Variants in NKAIN3 observed in about 807,000 individuals in gnomAD.
NKAIN3 encodes sodium/potassium-transporting ATPase subunit beta-1-interacting protein 3.
A neutral mutation model predicts 30.2 loss-of-function variants in NKAIN3; 25 were observed. The observed-to-expected ratio is 0.83, with a 90% CI of 0.60 to 1.16. The LOEUF is 1.16. NKAIN3 is among the 50% of genes most tolerant of loss of function. NKAIN3 has a pLI of 0.00. For synonymous variants in NKAIN3, 91 were observed against 89.6 expected, an observed-to-expected ratio of 1.02 and a Z score of -0.09; for missense variants, 225 against 254.1, an observed-to-expected ratio of 0.89 and a Z score of 0.78.
rs142048165 is a variant in NKAIN3 at position 62,666,439 on chromosome 8, C to T, written c.273+76645C>T. Among the ~76,000 whole-genome samples, 575 of 152,076 alleles carry T rather than the reference C, an allele frequency of 3.8e-3. 2 individuals are homozygous for T. Among genetic ancestry groups the T allele is most frequent in the African/African-American group, 0.013 (552 of 41,492 alleles). On this transcript the variant is annotated intron_variant, in intron 3 of 6. Coordinates refer to ENST00000623646, the MANE Select transcript of NKAIN3 (RefSeq NM_001304533.3). ...TTTATGTTAAGACAATCAAAGTCTACGTAACCAAAAAAAGTATGAAAAAGC... is the reference window on the plus strand; with the variant it reads ...TTTATGTTAAGACAATCAAAGTCTATGTAACCAAAAAAAGTATGAAAAAGC...
At chr8:62,674,619 T>A (rs117267274) in intron 3 of NKAIN3, among the ~76,000 whole-genome samples, 9 of 152,350 alleles carry the variant, frequency 5.9e-5, no homozygotes, top group Non-Finnish European at 1.2e-4. Context: ...TAAAAGTTTC[T>A]GGTGCCTGGC....
rs144431628 is a variant in NKAIN3 at position 62,568,018 on chromosome 8, A to G, written c.55-11521A>G. Reference sequence around the variant, plus strand: ...GCTTTTGATAAATTGAAGGTTGACTAAGATAGCACAGCTAATAAGTTTCTG... The same window carrying G: ...GCTTTTGATAAATTGAAGGTTGACTGAGATAGCACAGCTAATAAGTTTCTG... On this transcript the variant is annotated intron_variant, in intron 1 of 6. Coordinates refer to ENST00000623646, the MANE Select transcript of NKAIN3 (RefSeq NM_001304533.3). 7.9e-5 allele frequency among the ~76,000 whole-genome samples: 12 copies of G among 152,316 alleles called. No homozygotes were observed. The East Asian group carries it at 2.3e-3, about 29-fold the overall frequency.
intron 4 of NKAIN3, among the ~76,000 whole-genome samples, chr8:62,875,780 G>T (rs1355033384): frequency 6.6e-6 from 1 of 152,162 alleles, no homozygotes; most frequent in Admixed American, 6.5e-5. Flanking sequence ...GCCATATGTA[G>T]AAAACTGAAT....
intron 1 of NKAIN3, among the ~76,000 whole-genome samples, chr8:62,258,238 C>G (rs1364904058): frequency 6.6e-6 from 1 of 152,174 alleles, no homozygotes; most frequent in Non-Finnish European, 1.5e-5. Context: ...TGCATGGTTT[C>G]TTTGCAGAAG....
rs185348365 is a variant in NKAIN3, at chr8:62,429,727, T to G, written c.55-149812T>G. ...CACCGTGGAGCTGGAAGCATTAATG[T>G]TTCACATCAGCACAGTTACTACATC... On this transcript the variant is annotated intron_variant, in intron 1 of 6. Transcript: ENST00000623646. Among the ~76,000 whole-genome samples, 240 of 152,050 alleles carry G rather than the reference T, an allele frequency of 1.6e-3. 1 individual carries two copies. Among genetic ancestry groups the G allele is most frequent in the African/African-American group, 5.5e-3 (229 of 41,540 alleles).
intron 1 of NKAIN3, among the ~76,000 whole-genome samples, chr8:62,382,077 A>G (rs1267688679): frequency 6.6e-6 from 1 of 152,136 alleles, no homozygotes; most frequent in Non-Finnish European, 1.5e-5. Flanking sequence ...CACCATGCAC[A>G]GTTGAAAATC....
intron 3 of NKAIN3, among the ~76,000 whole-genome samples, chr8:62,728,344 T>C (rs547902332): frequency 1.3e-5 from 2 of 152,228 alleles, no homozygotes; most frequent in Admixed American, 1.3e-4. Flanking sequence ...AAAGAATGAA[T>C]TGAAAATCCG....
chr8:62,394,806 A>T (rs1478543404), intron 1 of NKAIN3, among the ~76,000 whole-genome samples: 1 of 122,686 alleles, frequency 8.2e-6, no homozygotes, highest in African/African-American at 3.2e-5. Flanking sequence ...AGAGACTCTC[A>T]TCACTTCTCA....
intron 1 of NKAIN3, among the ~76,000 whole-genome samples, chr8:62,567,252 G>A (rs1366900687): frequency 2.0e-5 from 3 of 152,040 alleles, no homozygotes; most frequent in African/African-American, 7.2e-5. Flanking sequence ...GTTTTCTGGG[G>A]TTGGAAGAAG....
rs551091120 is a variant in NKAIN3, at chr8:62,620,408, AATATGCC to A, written c.273+30640_273+30646del. ...CAAATTCCCTCAGCTTAACAGATCC[AATATGCC>A]ATATGCCATATGCCATATGCCATAT... On this transcript the variant is annotated intron_variant, in intron 3 of 6. Transcript: ENST00000623646. Among the ~76,000 whole-genome samples the A allele has an allele frequency of 4.1e-4, 62 of 152,234 alleles. No homozygotes were observed. The South Asian group carries it at 0.012, about 29-fold the overall frequency.
chr8:62,887,233 GT>G (rs1169819700), intron 4 of NKAIN3, among the ~76,000 whole-genome samples: 4 of 151,334 alleles, frequency 2.6e-5, no homozygotes, highest in African/African-American at 9.7e-5. Context: ...AAAGTGTTGT[GT>G]TTTTTTTCTG....
intron 1 of NKAIN3, among the ~76,000 whole-genome samples, chr8:62,432,465 A>G (rs910329255): frequency 6.6e-6 from 1 of 152,142 alleles, no homozygotes; most frequent in African/African-American, 2.4e-5. Context: ...TGTGACTCAG[A>G]AAACCCTCTG....
chr8:62,290,063 G>A (rs1196160342), intron 1 of NKAIN3, among the ~76,000 whole-genome samples: 1 of 152,108 alleles, frequency 6.6e-6, no homozygotes, highest in African/African-American at 2.4e-5. Flanking sequence ...TGGTGTATAG[G>A]AATGCTTGTG....
intron 1 of NKAIN3, among the ~76,000 whole-genome samples, chr8:62,249,874 C>T (rs4738946): frequency 0.013 from 1,968 of 152,218 alleles, 72 homozygotes; most frequent in East Asian, 0.12. Flanking sequence ...GAAAAAAGGC[C>T]CTTTCAGAGC....
intron 1 of NKAIN3, among the ~76,000 whole-genome samples, chr8:62,521,251 C>T (rs1808147335): frequency 6.6e-6 from 1 of 152,112 alleles, no homozygotes; most frequent in Admixed American, 6.6e-5. Flanking sequence ...TAGGAAAACC[C>T]ATGGGTAGAA....
At chr8:62,486,104 A>C (rs778750970) in intron 1 of NKAIN3, among the ~76,000 whole-genome samples, 13 of 152,150 alleles carry the variant, frequency 8.5e-5, no homozygotes, top group Admixed American at 1.3e-4. Context: ...ATCAATCAAG[A>C]CCACCAAAAC....
At chr8:62,770,639 A>AT (rs1249324725) in intron 4 of NKAIN3, among the ~76,000 whole-genome samples, 1 of 152,158 alleles carries the variant, frequency 6.6e-6, no homozygotes, top group Non-Finnish European at 1.5e-5. Flanking sequence ...TAACATATAA[A>AT]TTTGGGGGGA....
At chr8:62,609,074 T>C (rs1032586790) in intron 3 of NKAIN3, among the ~76,000 whole-genome samples, 3 of 152,172 alleles carry the variant, frequency 2.0e-5, no homozygotes, top group Admixed American at 1.3e-4. Context: ...GGTTTACACC[T>C]GAGCAGCCTC....
chr8:62,451,220 C>G (rs999064712), intron 1 of NKAIN3, among the ~76,000 whole-genome samples: 1 of 151,752 alleles, frequency 6.6e-6, no homozygotes, highest in African/African-American at 2.4e-5. Flanking sequence ...CTTCTCTTCT[C>G]TTCTCTTTTC....
Sources: allele counts gnomAD v4.1 joint callset (sites outside exome capture counted in the v4.1 genomes callset), GRCh38; gene constraint gnomAD v4.1.1; transcripts MANE v1.5; gene names NCBI Gene and HGNC (gene_info 2026-07-23, HGNC 2026-07-21).